Variants in CCDC171 observed in about 807,000 individuals in gnomAD.
The protein encoded by CCDC171 is coiled-coil domain containing 171.
In CCDC171, 177 loss-of-function variants were observed where a neutral mutation model predicts 168.2. The observed-to-expected ratio is 1.05, with a 90% CI of 0.93 to 1.19. The LOEUF is 1.19. Among genes scored for constraint, CCDC171 ranks in the 50% most tolerant of loss-of-function variants. CCDC171 has a pLI of 0.00. For missense variants in CCDC171, 1,991 were observed against 1,539.0 expected (o/e 1.29, Z -4.91); for synonymous variants, 687 against 540.8 (o/e 1.27, Z -3.75).
intron 21 of CCDC171, 149 bp downstream of exon 21, chr9:15,784,843 C>A: frequency 1.7e-6 from 1 of 579,304 alleles, no homozygotes; most frequent in Non-Finnish European, 2.8e-6. Context: ...TCTGAGACCT[C>A]AGTTATAAGC....
At chr9:16,103,733 C>T in the CCDC171 span, among the ~76,000 whole-genome samples, 7 of 152,226 alleles carry the variant, frequency 4.6e-5, no homozygotes, top group East Asian at 1.9e-4. Context: ...GTCTCTGCAC[C>T]GAGCAGGACC....
At chr9:15,602,001 G>T (rs1451191958) in intron 6 of CCDC171, among the ~76,000 whole-genome samples, 1 of 152,108 alleles carries the variant, frequency 6.6e-6, no homozygotes, top group Admixed American at 6.5e-5. Flanking sequence ...TTAAAATTAG[G>T]CATCTGTCTT....
chr9:15,840,045 A>G (rs2060611590), intron 21 of CCDC171, among the ~76,000 whole-genome samples: 1 of 152,164 alleles, frequency 6.6e-6, no homozygotes, highest in South Asian at 2.1e-4. Context: ...GTTAATATAT[A>G]ACATATTCAC....
At chr9:15,887,714 T>G (rs1398990017) in intron 24 of CCDC171, 1 of 152,120 alleles carries the variant, frequency 6.6e-6, no homozygotes, top group Non-Finnish European at 1.5e-5. Context: ...AATGAAAAAT[T>G]AAATAAATTC....
chr9:15,992,435 G>C (rs1356459696), intron 3 of CCDC171, among the ~76,000 whole-genome samples: 1 of 152,106 alleles, frequency 6.6e-6, no homozygotes, highest in African/African-American at 2.4e-5. Flanking sequence ...GTATTGATGG[G>C]ATGTATCTCA....
At chr9:16,065,815 T>TG (rs1227876460), downstream of CCDC171, among the ~76,000 whole-genome samples, 4 of 143,776 alleles carry the variant, frequency 2.8e-5, no homozygotes, top group African/African-American at 1.1e-4. Context: ...GCATGGTGTG[T>TG]GTGTGTGTGT....
upstream of CCDC171, among the ~76,000 whole-genome samples, chr9:16,040,864 C>A (rs557383695): frequency 6.6e-6 from 1 of 152,124 alleles, no homozygotes; most frequent in Non-Finnish European, 1.5e-5. Context: ...TGTTGAGACT[C>A]TGCAAAGATA....
At chr9:16,003,309 A>G (rs1041744043) in intron 3 of CCDC171, among the ~76,000 whole-genome samples, 4 of 152,188 alleles carry the variant, frequency 2.6e-5, no homozygotes, top group East Asian at 1.9e-4. Context: ...CAGTTCTACA[A>G]TGCCAAAGAT....
chr9:15,881,318 C>T (rs1286683953), intron 24 of CCDC171, among the ~76,000 whole-genome samples: 1 of 152,022 alleles, frequency 6.6e-6, no homozygotes, highest in African/African-American at 2.4e-5. Context: ...TTATTTTTCT[C>T]TTTTTGTTTC....
chr9:16,096,858 A>G, the CCDC171 span, among the ~76,000 whole-genome samples: 1 of 152,166 alleles, frequency 6.6e-6, no homozygotes, highest in African/African-American at 2.4e-5. Context: ...ACTTTTGTTA[A>G]GCCCTTCTAG....
intron 5 of CCDC171, among the ~76,000 whole-genome samples, chr9:15,593,818 A>G (rs1587241619): frequency 1.3e-5 from 2 of 151,988 alleles, no homozygotes; most frequent in Admixed American, 1.3e-4. Flanking sequence ...ATAGGTAAAT[A>G]TATGCCTATA....
At position 15,657,173 on chromosome 9, in the gene CCDC171, A is replaced by G; in HGVS notation, c.869A>G (p.Glu290Gly). The G allele has an allele frequency of 6.2e-7, 1 of 1,611,974 alleles. No homozygotes were observed. The highest frequency in any genetic ancestry group is 8.5e-7 in the Non-Finnish European group (1 of 1,178,738). The change falls in exon 8 of 26, where the codon GAA becomes GGA. Residue 290 changes from glutamate (E) to glycine (G), a missense_variant. Coordinates refer to ENST00000380701, the MANE Select transcript of CCDC171 (RefSeq NM_173550.4). Reference sequence around the variant, plus strand: ...AAATTAGAAGAAAACATTGAAGCAGAAAGAGCAGCGCATTTGGAATCAAAA... The same window carrying G: ...AAATTAGAAGAAAACATTGAAGCAGGAAGAGCAGCGCATTTGGAATCAAAA... ...VRKLEENIEA[E>G]RAAHLESKFN...
At chr9:16,083,491 A>G in the CCDC171 span, among the ~76,000 whole-genome samples, 2 of 152,350 alleles carry the variant, frequency 1.3e-5, no homozygotes, top group East Asian at 1.9e-4. Context: ...TTACATTGAC[A>G]TTTAAATATA....
intron 25 of CCDC171, among the ~76,000 whole-genome samples, chr9:15,933,096 C>T (rs763313874): frequency 2.6e-5 from 4 of 151,904 alleles, no homozygotes; most frequent in Non-Finnish European, 5.9e-5. Context: ...CAGGATAATG[C>T]TGACCTCATA....
intron 24 of CCDC171, chr9:15,882,996 T>TG (rs1428967904): frequency 1.7e-3 from 11 of 6,530 alleles, no homozygotes; most frequent in South Asian, 7.5e-3. Flanking sequence ...CTGCCTGCCT[T>TG]CCTTCCTTCC....
At chr9:15,665,701 A>G (rs1415993497) in intron 8 of CCDC171, among the ~76,000 whole-genome samples, 2 of 152,210 alleles carry the variant, frequency 1.3e-5, no homozygotes, top group African/African-American at 2.4e-5. Flanking sequence ...GGATCACTTG[A>G]GCCCAGGAAT....
intron 3 of CCDC171, among the ~76,000 whole-genome samples, chr9:15,576,133 T>G (rs1056043654): frequency 6.9e-6 from 1 of 145,420 alleles, no homozygotes; most frequent in Non-Finnish European, 1.5e-5. Context: ...CATATTTCAG[T>G]TGTGTGTGTG....
At chr9:15,938,875 A>G (rs978075828) in intron 25 of CCDC171, among the ~76,000 whole-genome samples, 6 of 151,894 alleles carry the variant, frequency 4.0e-5, no homozygotes, top group Admixed American at 2.0e-4. Context: ...AACTAAAAAT[A>G]TGAATTTGTT....
chr9:15,935,755 G>C (rs1290756864), intron 25 of CCDC171, among the ~76,000 whole-genome samples: 1 of 151,932 alleles, frequency 6.6e-6, no homozygotes, highest in Non-Finnish European at 1.5e-5. Flanking sequence ...AATATGTTAG[G>C]AATGTGAACT....
Sources: allele counts gnomAD v4.1 joint callset (sites outside exome capture counted in the v4.1 genomes callset), GRCh38; gene constraint gnomAD v4.1.1; transcripts MANE v1.5; gene names NCBI Gene and HGNC (gene_info 2026-07-23, HGNC 2026-07-21).